The following UBE2Z variants were observed in gnomAD, a reference collection of about 807,000 sequenced individuals.
The protein encoded by UBE2Z is ubiquitin conjugating enzyme E2 Z, also known as ubiquitin-conjugating enzyme E2 Z.
UBE2Z carries 10 observed loss-of-function variants against 32.6 expected under a neutral mutation model. The observed-to-expected ratio is 0.31, with a 90% CI of 0.19 to 0.52. The LOEUF is 0.52. Ranked by LOEUF, UBE2Z falls within the 20% of genes least tolerant of loss-of-function variation. The probability of loss-of-function intolerance (pLI) is 0.97; values close to 1 mark genes in which losing one functional copy is unlikely to be tolerated. For synonymous variants in UBE2Z, 183 were observed against 190.8 expected, an observed-to-expected ratio of 0.96 and a Z score of 0.34; for missense variants, 343 against 480.9, an observed-to-expected ratio of 0.71 and a Z score of 2.68.
chr17:48,910,707 A>T, intron 1 of UBE2Z, 101 bp from the exon 2 acceptor site: 1 of 894,718 alleles, frequency 1.1e-6, no homozygotes, highest in Non-Finnish European at 1.9e-6. Flanking sequence ...ACTTTCTCAA[A>T]CCCTGGCCTC....
Position 48,916,259 on chromosome 17 carries a change from T to TTTTTTTTTG in UBE2Z, c.690+80_690+81insGTTTTTTTT, listed in dbSNP as rs1555580103. 1.1e-4 allele frequency: 34 copies of TTTTTTTTTG among 304,916 alleles called. 2 individuals are homozygous for TTTTTTTTTG. Among genetic ancestry groups the TTTTTTTTTG allele is most frequent in the Non-Finnish European group, 1.6e-4 (32 of 200,962 alleles). The allele number at this position is 304,916 out of a possible 1,614,324, so 18.9% of individuals were successfully genotyped here. On this transcript the variant is annotated intron_variant, in intron 4 of 6. Coordinates refer to ENST00000360943, the MANE Select transcript of UBE2Z (RefSeq NM_023079.5). ...TTTGTTTGGTTGGTTGGTTTTTTTG[T>TTTTTTTTTG]TTTTTTTTTTTTTTGAGACAGAGTC... is the stretch of plus-strand genomic sequence containing the variant.
At position 48,908,454 on chromosome 17, in the gene UBE2Z, C is replaced by G; in HGVS notation, c.-50C>G. 1 of 1,222,402 alleles carries G rather than the reference C, an allele frequency of 8.2e-7. No individual in the cohort carries two copies. The highest frequency in any genetic ancestry group is 1.0e-6 in the Non-Finnish European group (1 of 980,696). 75.7% of individuals were successfully genotyped at this position (1,222,402 alleles called of 1,614,324 possible). A position where few individuals can be genotyped will look rare whatever the true frequency, so the allele number is the denominator to read the frequency against. The stretch of plus-strand genomic sequence containing the variant: ...TGCGGGAGCGGGCGGGAGCAGCGGC[C>G]GCTCTGGTCGGCGGACGTGCTGCCG... On this transcript the variant is annotated 5_prime_UTR_variant, in exon 1 of 7. Coordinates refer to ENST00000360943, the MANE Select transcript of UBE2Z (RefSeq NM_023079.5).
intron 1 of UBE2Z, 60 bp downstream of exon 1, chr17:48,908,880 C>G (rs1267706907): frequency 2.7e-6 from 3 of 1,090,940 alleles, no homozygotes; most frequent in African/African-American, 2.0e-5. Flanking sequence ...TCCCCGCCCC[C>G]CACCCTCTCC....
At position 48,911,001 on chromosome 17, in the gene UBE2Z, C is replaced by G. The variant is rs878875103; in HGVS notation, c.390+121C>G. 86 of 843,242 alleles carry G rather than the reference C, an allele frequency of 1.0e-4. 4 individuals are homozygous for G. The South Asian group carries it at 1.2e-3, about 12-fold the overall frequency. The allele number at this position is 843,242 out of a possible 1,614,324, so 52.2% of individuals were successfully genotyped here. On this transcript the variant is annotated intron_variant, in intron 2 of 6. Transcript: ENST00000360943. ...TACACAGATGAAGAAATCAAGACCC[C>G]AGGAGAGTAAGTGGCTTGTCCAAGG...
chr17:48,922,807 C>G lies in UBE2Z; in HGVS notation c.804-40C>G, dbSNP rs754231775. On this transcript the variant is annotated intron_variant, in intron 5 of 6. Coordinates refer to ENST00000360943, the MANE Select transcript of UBE2Z (RefSeq NM_023079.5). ...TAGGTAAGGAAGGGGTGACCTGTAC[C>G]CCTGGGTTTCTCACTTACACTTTTC... is the stretch of plus-strand genomic sequence containing the variant. The G allele has an allele frequency of 1.9e-6, 3 of 1,560,788 alleles. No individual in the cohort carries two copies. In the South Asian group the frequency reaches 3.4e-5, roughly 18 times the overall value.
chr17:48,922,794 G>A, intron 5 of UBE2Z, 53 bp from the exon 6 acceptor site: 1 of 1,474,422 alleles, frequency 6.8e-7, no homozygotes, highest in Admixed American at 1.9e-5. Flanking sequence ...GGTAAGGAAG[G>A]GGTGACCTGT....
intron 2 of UBE2Z, chr17:48,912,114 G>T (rs1477126813): frequency 6.7e-6 from 1 of 148,372 alleles, no homozygotes; most frequent in Non-Finnish European, 1.5e-5. Flanking sequence ...TGGTCTAATG[G>T]CTCTGAGTGG....
rs1201502615 is a variant in UBE2Z at position 48,908,535 on chromosome 17, C to G, written c.32C>G (p.Thr11Arg). 1.6e-6 allele frequency: 2 copies of G among 1,235,806 alleles called. No individual in the cohort carries two copies. Among genetic ancestry groups the G allele is most frequent in the Non-Finnish European group, 2.0e-6 (2 of 988,530 alleles). The allele number at this position is 1,235,806 out of a possible 1,614,324, so 76.6% of individuals were successfully genotyped here. A position where few individuals can be genotyped will look rare whatever the true frequency, so the allele number is the denominator to read the frequency against. Residue 11 changes from threonine (T) to arginine (R), a missense_variant, in exon 1 of 7, where the codon ACG (threonine) becomes AGG (arginine). Physicochemically the swap from Thr to Arg is moderately conservative, Grantham distance 71. Transcript: ENST00000360943. ...GAGAGTCCGACTGAGGAGGCGGCAACGGCGGGCGCCGGGGCGGCGGGCCCC... is the reference window on the plus strand; with the variant it reads ...GAGAGTCCGACTGAGGAGGCGGCAAGGGCGGGCGCCGGGGCGGCGGGCCCC... Reference protein sequence around the residue: MAESPTEEAATAGAGAAGPGA... With the variant: MAESPTEEAARAGAGAAGPGA...
Position 48,910,790 on chromosome 17 carries a change from C to T in UBE2Z, c.318-18C>T. 3 of 1,600,356 alleles carry T rather than the reference C, an allele frequency of 1.9e-6. No individual in the cohort carries two copies. The highest frequency in any genetic ancestry group is 1.7e-5 in the Admixed American group (1 of 59,956). On this transcript the variant is annotated intron_variant, in intron 1 of 6. Coordinates refer to ENST00000360943, the MANE Select transcript of UBE2Z (RefSeq NM_023079.5). ...CTCTTCCTCACTCCTTCCCCCACCT[C>T]CTCTTGGTGTTATACAGGGATATCA...
At chr17:48,919,161 T>A (rs1478278176) in intron 4 of UBE2Z, among the ~76,000 whole-genome samples, 1 of 152,130 alleles carries the variant, frequency 6.6e-6, no homozygotes, top group Non-Finnish European at 1.5e-5. Context: ...GATTTTTGTA[T>A]TTTTAGTAGA....
At chr17:48,924,573 C>T (rs958746134) in intron 6 of UBE2Z, among the ~76,000 whole-genome samples, 1 of 149,714 alleles carries the variant, frequency 6.7e-6, no homozygotes, top group East Asian at 2.0e-4. Flanking sequence ...CAGCCAGGTG[C>T]GGTGGCTTAT....
rs946294525 is a variant in UBE2Z, at chr17:48,925,714, C to T, written c.895-1250C>T. ...AGGAGCATTAGAGGAGCTGGAGCCA[C>T]GGATGAAAGAAACAAGATTTGCAGA... On this transcript the variant is annotated intron_variant, in intron 6 of 6. Coordinates refer to ENST00000360943, the MANE Select transcript of UBE2Z (RefSeq NM_023079.5). Among the ~76,000 whole-genome samples, 9 of 152,174 alleles carry T rather than the reference C, an allele frequency of 5.9e-5. No homozygotes were observed. In the East Asian group the frequency reaches 9.7e-4, roughly 16 times the overall value.
At chr17:48,913,158 G>A in intron 3 of UBE2Z, 137 bp downstream of exon 3, 2 of 853,312 alleles carry the variant, frequency 2.3e-6, no homozygotes, top group Non-Finnish European at 3.6e-6. Flanking sequence ...ATCTCCTCAG[G>A]ATGGTATGTG....
At chr17:48,915,865 G>GA in intron 3 of UBE2Z, 1 of 337,932 alleles carries the variant, frequency 3.0e-6, no homozygotes, top group Non-Finnish European at 5.2e-6. Context: ...CTGTTCTTTT[G>GA]CCCCCCCCCC....
intron 4 of UBE2Z, among the ~76,000 whole-genome samples, chr17:48,917,349 C>T (rs761551588): frequency 2.0e-5 from 3 of 152,060 alleles, no homozygotes; most frequent in Admixed American, 6.6e-5. Flanking sequence ...GTGAGAGTTA[C>T]AATAAGTATG....
In UBE2Z at chr17:48,923,320, C is replaced by CA. The variant is rs56100763; in HGVS notation, c.894+410dup. Among the ~76,000 whole-genome samples, 490 of 102,008 alleles carry CA rather than the reference C, an allele frequency of 4.8e-3. 22 individuals are homozygous for CA. The highest frequency in any genetic ancestry group is 0.026 in the African/African-American group (456 of 17,560). The allele number at this position is 102,008 out of a possible 152,430, so 66.9% of individuals were successfully genotyped here. On this transcript the variant is annotated intron_variant, in intron 6 of 6. Transcript: ENST00000360943. ...TGGACAACAGACCGAGACTCTGTCT[C>CA]AAAAAAAAAAAAAAAAAAAAAAAAA...
At chr17:48,915,256 T>C (rs2040710644) in intron 3 of UBE2Z, among the ~76,000 whole-genome samples, 1 of 152,144 alleles carries the variant, frequency 6.6e-6, no homozygotes, top group Non-Finnish European at 1.5e-5. Flanking sequence ...GTGAAGTTAC[T>C]ATTAGGCATT....
At chr17:48,911,969 T>C (rs2040681482) in intron 2 of UBE2Z, 1 of 151,920 alleles carries the variant, frequency 6.6e-6, no homozygotes, top group Admixed American at 6.6e-5. Context: ...TCAGTTCAGG[T>C]TTTCCTCCCT....
intron 2 of UBE2Z, chr17:48,911,145 G>C (rs1468061159): frequency 4.4e-6 from 2 of 456,470 alleles, no homozygotes; most frequent in East Asian, 7.3e-5. Context: ...ACTATTTATA[G>C]GGCATTCTTT....
Sources: gnomAD v4.1 joint callset for allele counts (sites outside exome capture counted in the v4.1 genomes callset) on GRCh38, gnomAD v4.1.1 for gene constraint, MANE v1.5 for transcripts, NCBI Gene and HGNC (gene_info 2026-07-23, HGNC 2026-07-21) for gene names.